The following FLRT1 variants were observed in gnomAD, a reference collection of about 807,000 sequenced individuals.
The protein encoded by FLRT1 is leucine-rich repeat transmembrane protein FLRT1.
In FLRT1, 14 loss-of-function variants were observed where a neutral mutation model predicts 30.9. The ratio of observed to expected loss-of-function variants is 0.45; its 90% CI spans 0.30 to 0.71. The LOEUF is 0.71. FLRT1 is among the 30% of genes least tolerant of loss of function. The probability of loss-of-function intolerance (pLI) is 0.08; values close to 1 mark genes in which losing one functional copy is unlikely to be tolerated. For missense variants in FLRT1, 737 were observed against 949.2 expected (o/e 0.78, Z 2.94); for synonymous variants, 368 against 430.4 (o/e 0.85, Z 1.80).
At chr11:64,037,660 T>C (rs1234514445) in intron 1 of FLRT1, among the ~76,000 whole-genome samples, 2 of 152,096 alleles carry the variant, frequency 1.3e-5, no homozygotes, top group Non-Finnish European at 2.9e-5. Flanking sequence ...TGTGTGTGTG[T>C]GCGCACCCAG....
In FLRT1 at chr11:64,117,225, C is replaced by A; in HGVS notation, c.958C>A (p.Leu320Met). 4 of 1,614,210 alleles carry A rather than the reference C, an allele frequency of 2.5e-6. No individual in the cohort carries two copies. The highest frequency in any genetic ancestry group is 3.4e-6 in the Non-Finnish European group (4 of 1,180,026). The change falls in exon 3 of 3, where the codon CTG becomes ATG. Residue 320 changes from leucine to methionine, a missense_variant. Leu to Met is a conservative substitution (Grantham distance 15). Transcript: ENST00000682287. ...PRGLFDDLGN[L>M]AQLLLRNNPW... Reference sequence around the variant, plus strand: ...CGGCCTGTTCGACGACCTGGGGAACCTGGCCCAGCTGCTGCTCAGGAACAA... The same window carrying A: ...CGGCCTGTTCGACGACCTGGGGAACATGGCCCAGCTGCTGCTCAGGAACAA...
At chr11:64,071,021 G>A (rs767128884) in intron 1 of FLRT1, among the ~76,000 whole-genome samples, 20 of 152,090 alleles carry the variant, frequency 1.3e-4, no homozygotes, top group Non-Finnish European at 2.8e-4. Context: ...TTCACAGAGC[G>A]GCCATACTCA....
intron 1 of FLRT1, among the ~76,000 whole-genome samples, chr11:64,093,637 A>G (rs1485670919): frequency 6.6e-6 from 1 of 152,206 alleles, no homozygotes; most frequent in Non-Finnish European, 1.5e-5. Context: ...TCTCTGCTGA[A>G]GACAGGAGAC....
chr11:64,101,547 T>C lies in FLRT1; in HGVS notation c.-1037-1647T>C, dbSNP rs1696040839. 2.0e-5 allele frequency among the ~76,000 whole-genome samples: 3 copies of C among 152,144 alleles called. No individual in the cohort carries two copies. In the South Asian group the frequency reaches 6.2e-4, roughly 31 times the overall value. On this transcript the variant is annotated intron_variant, in intron 1 of 2. Transcript: ENST00000682287. ...TGCCCCTGCCCCACCCCCATCGGTATAAAACAATTTCTGCGCCCCGGCCAG... is the reference window on the plus strand; with the variant it reads ...TGCCCCTGCCCCACCCCCATCGGTACAAAACAATTTCTGCGCCCCGGCCAG...
intron 1 of FLRT1, among the ~76,000 whole-genome samples, chr11:64,060,174 G>A (rs767477181): frequency 5.3e-5 from 8 of 152,228 alleles, no homozygotes; most frequent in Non-Finnish European, 7.3e-5. Flanking sequence ...CGCGGACGGC[G>A]GTGCCAGCAT....
At chr11:64,113,639 ATGG>A (rs1944904952) in intron 2 of FLRT1, among the ~76,000 whole-genome samples, 1 of 145,178 alleles carries the variant, frequency 6.9e-6, no homozygotes, top group Non-Finnish European at 1.5e-5. Context: ...GGATGGATGG[ATGG>A]ATGGATGGGC....
chr11:64,116,852 G>C lies in FLRT1; in HGVS notation c.585G>C (p.Gly195=), dbSNP rs563036980. The change falls in exon 3 of 3, where the codon GGG becomes GGC. Residue 195 remains glycine (G), a synonymous_variant. Transcript: ENST00000682287. ...ACCACCTGAGCAGCATCCCCTCGGGGCTGCCGCACACGCTGGAGGAGCTGC... is the reference window on the plus strand; with the variant it reads ...ACCACCTGAGCAGCATCCCCTCGGGCCTGCCGCACACGCTGGAGGAGCTGC... ...SRNHLSSIPS[G]LPHTLEELRL... 7.6e-5 allele frequency: 123 copies of C among 1,612,596 alleles called. 1 individual carries two copies. The South Asian group carries it at 1.3e-3, about 17-fold the overall frequency.
chr11:64,038,302 C>G (rs1286903033), intron 1 of FLRT1, among the ~76,000 whole-genome samples: 1 of 152,214 alleles, frequency 6.6e-6, no homozygotes, highest in African/African-American at 2.4e-5. Context: ...AGCCTCCCCT[C>G]TGGGACCGGC....
In FLRT1 at chr11:64,082,709, C is replaced by T. The variant is rs1944326064; in HGVS notation, c.-1037-20485C>T. ...ACCCTGCAGGCCCCTGGGTCTCACA[C>T]AAGGAATGTGGAGCATCCTCCTGAG... On this transcript the variant is annotated intron_variant, in intron 1 of 2. Coordinates refer to ENST00000682287, the MANE Select transcript of FLRT1 (RefSeq NM_013280.5). The surrounding 1 kb of genome is among the most constrained non-coding windows in gnomAD (Gnocchi z 4.5). Among the ~76,000 whole-genome samples, 1 of 152,170 alleles carries T rather than the reference C, an allele frequency of 6.6e-6. No homozygotes were observed. The highest frequency in any genetic ancestry group is 2.4e-5 in the African/African-American group (1 of 41,436).
At position 64,090,467 on chromosome 11, in the gene FLRT1, C is replaced by T. The variant is rs1944469335; in HGVS notation, c.-1037-12727C>T. Among the ~76,000 whole-genome samples, 1 of 152,208 alleles carries T rather than the reference C, an allele frequency of 6.6e-6. No individual in the cohort carries two copies. The highest frequency in any genetic ancestry group is 1.5e-5 in the Non-Finnish European group (1 of 68,028). ...TCGATAATAATTTACGAGGCAGCCCCTGAGGTGGAGGAGGAGGAGGAGGCC... is the reference window on the plus strand; with the variant it reads ...TCGATAATAATTTACGAGGCAGCCCTTGAGGTGGAGGAGGAGGAGGAGGCC... On this transcript the variant is annotated intron_variant, in intron 1 of 2. Transcript: ENST00000682287. This position sits in a 1 kb window ranked among gnomAD's most constrained non-coding sequence, Gnocchi z 4.7.
chr11:64,118,303 C>G lies in FLRT1; in HGVS notation c.*11C>G. The G allele has an allele frequency of 6.5e-7, 1 of 1,537,026 alleles. No homozygotes were observed. The highest frequency in any genetic ancestry group is 1.9e-5 in the Admixed American group (1 of 52,888). Reference sequence around the variant, plus strand: ...TACTCCTACACATGATGCCCGCCCACCCGGGCTGCCCCGCCTCAGCCCCAG... The same window carrying G: ...TACTCCTACACATGATGCCCGCCCAGCCGGGCTGCCCCGCCTCAGCCCCAG... On this transcript the variant is annotated 3_prime_UTR_variant, in exon 3 of 3. Transcript: ENST00000682287.
At chr11:64,057,147 G>A (rs1288504040) in intron 1 of FLRT1, among the ~76,000 whole-genome samples, 1 of 152,212 alleles carries the variant, frequency 6.6e-6, no homozygotes, top group Non-Finnish European at 1.5e-5. Context: ...GGACCCGGGT[G>A]CCCCTGTGCC....
At chr11:64,092,251 T>TA (rs1269423381) in intron 1 of FLRT1, among the ~76,000 whole-genome samples, 2 of 152,160 alleles carry the variant, frequency 1.3e-5, no homozygotes, top group Admixed American at 1.3e-4. Flanking sequence ...GTCTGCCTCT[T>TA]AAAAAAATTA....
intron 1 of FLRT1, among the ~76,000 whole-genome samples, chr11:64,055,742 G>A (rs1177458281): frequency 1.3e-5 from 2 of 152,182 alleles, no homozygotes; most frequent in African/African-American, 2.4e-5. Context: ...GGAGTGGCAG[G>A]GGGATTCCCT....
chr11:64,088,319 C>A lies in FLRT1; in HGVS notation c.-1037-14875C>A, dbSNP rs117422055. 2.7e-4 allele frequency among the ~76,000 whole-genome samples: 41 copies of A among 152,076 alleles called. No individual in the cohort carries two copies. The East Asian group carries it at 7.4e-3, about 27-fold the overall frequency. On this transcript the variant is annotated intron_variant, in intron 1 of 2. Coordinates refer to ENST00000682287, the MANE Select transcript of FLRT1 (RefSeq NM_013280.5). ...TGCGTCACTAGGCTCGGTGGCCAGGCGGGGCCAGGGAGGGGCAGCATAGAC... is the reference window on the plus strand; with the variant it reads ...TGCGTCACTAGGCTCGGTGGCCAGGAGGGGCCAGGGAGGGGCAGCATAGAC...
chr11:64,068,649 G>A (rs1944049408), intron 1 of FLRT1, among the ~76,000 whole-genome samples: 1 of 152,232 alleles, frequency 6.6e-6, no homozygotes, highest in African/African-American at 2.4e-5. Flanking sequence ...AGGGGCTTTT[G>A]TCTCTACCCC....
chr11:64,041,036 T>C (rs1943474567), intron 1 of FLRT1, among the ~76,000 whole-genome samples: 1 of 151,644 alleles, frequency 6.6e-6, no homozygotes, highest in Non-Finnish European at 1.5e-5. Flanking sequence ...TATACTTAAT[T>C]AAAACTGGGA....
chr11:64,069,461 G>A (rs1944065646), intron 1 of FLRT1, among the ~76,000 whole-genome samples: 1 of 152,254 alleles, frequency 6.6e-6, no homozygotes, highest in Admixed American at 6.5e-5. Flanking sequence ...AGGACAAGCT[G>A]CTGGCCAGTC....
rs529522155 is a variant in FLRT1, at chr11:64,040,292, G to A, written c.-1038+4133G>A. 6.6e-5 allele frequency among the ~76,000 whole-genome samples: 10 copies of A among 152,272 alleles called. No homozygotes were observed. The East Asian group carries it at 1.9e-3, about 29-fold the overall frequency. ...ATTGAGGGGGACTTCCCAGGGAAGGGGGTGCTTAAGACATGAAGAGTGAGC... is the reference window on the plus strand; with the variant it reads ...ATTGAGGGGGACTTCCCAGGGAAGGAGGTGCTTAAGACATGAAGAGTGAGC... On this transcript the variant is annotated intron_variant, in intron 1 of 2. Coordinates refer to ENST00000682287, the MANE Select transcript of FLRT1 (RefSeq NM_013280.5).
Sources: gnomAD v4.1 joint callset for allele counts (sites outside exome capture counted in the v4.1 genomes callset) on GRCh38, gnomAD v4.1.1 for gene constraint, Gnocchi (gnomAD v3.1) non-coding constraint, MANE v1.5 for transcripts, NCBI Gene and HGNC (gene_info 2026-07-23, HGNC 2026-07-21) for gene names.